CDC14B: variants seen among roughly 807,000 people sequenced by gnomAD.
The protein encoded by CDC14B is dual specificity protein phosphatase CDC14B.
Under a neutral mutation model 64.2 loss-of-function variants are expected in CDC14B, and 22 were observed. That is an observed-to-expected ratio of 0.34 (90% CI 0.24 to 0.49). The LOEUF (loss-of-function observed/expected upper bound fraction) is 0.49, where lower values mean the gene tolerates loss of function less well. CDC14B is among the 20% of genes least tolerant of loss of function. CDC14B has a pLI of 0.99. For synonymous variants in CDC14B, 191 were observed against 215.8 expected (o/e 0.89, Z 1.01); for missense variants, 498 against 629.9 (o/e 0.79, Z 2.24).
chr9:96,525,135 T>C (rs2131581291), intron 9 of CDC14B, among the ~76,000 whole-genome samples: 1 of 152,170 alleles, frequency 6.6e-6, no homozygotes, highest in Non-Finnish European at 1.5e-5. Flanking sequence ...AGGCTATCCA[T>C]ATTGCAAAAA....
At chr9:96,491,163 T>C (rs1833089618) in exon 14 of CDC14B, 1 of 152,276 alleles carries the variant, frequency 6.6e-6, no homozygotes, top group Admixed American at 6.5e-5. Context: ...CTCTCCCCGC[T>C]TTCTCATAGA....
chr9:96,583,908 C>T (rs545396976), intron 1 of CDC14B, among the ~76,000 whole-genome samples: 2 of 151,870 alleles, frequency 1.3e-5, no homozygotes, highest in South Asian at 2.1e-4. Flanking sequence ...TTAGTAGAGA[C>T]GGGGTTTCAG....
chr9:96,568,361 A>T (rs75098847), intron 1 of CDC14B, among the ~76,000 whole-genome samples: 1 of 152,378 alleles, frequency 6.6e-6, no homozygotes, highest in African/African-American at 2.4e-5. Context: ...AAATCAAGAG[A>T]TAAACTGGAA....
At chr9:96,539,287 G>A in intron 6 of CDC14B, 147 bp from the exon 7 acceptor site, 1 of 597,912 alleles carries the variant, frequency 1.7e-6, no homozygotes, top group East Asian at 2.8e-5. Context: ...TTCAAAGGAA[G>A]TGGGCGGCGT....
At chr9:96,611,853 A>T (rs1424375349) in intron 1 of CDC14B, among the ~76,000 whole-genome samples, 3 of 152,212 alleles carry the variant, frequency 2.0e-5, no homozygotes, top group Admixed American at 2.0e-4. Flanking sequence ...AGCATTTTTT[A>T]AATTAACCAC....
intron 9 of CDC14B, among the ~76,000 whole-genome samples, chr9:96,533,042 T>C (rs1395034945): frequency 4.6e-5 from 7 of 152,228 alleles, no homozygotes; most frequent in Middle Eastern, 3.4e-3. Context: ...TCTCAGCTCA[T>C]TGCAACCTCT....
At chr9:96,531,624 A>G (rs923583544) in intron 9 of CDC14B, among the ~76,000 whole-genome samples, 2 of 151,696 alleles carry the variant, frequency 1.3e-5, no homozygotes, top group Admixed American at 6.6e-5. Flanking sequence ...TCTACTCTCT[A>G]TTTTATAAAT....
chr9:96,617,321 T>C (rs1234174394), intron 1 of CDC14B, among the ~76,000 whole-genome samples: 1 of 151,930 alleles, frequency 6.6e-6, no homozygotes, highest in Non-Finnish European at 1.5e-5. Context: ...TTCATCTCCA[T>C]CAAGAAGAAA....
At chr9:96,613,292 C>T (rs949275561) in intron 1 of CDC14B, among the ~76,000 whole-genome samples, 4 of 152,188 alleles carry the variant, frequency 2.6e-5, no homozygotes, top group Non-Finnish European at 5.9e-5. Flanking sequence ...TTTCTTCCAT[C>T]CTAAAAATCC....
chr9:96,568,026 T>A (rs1844216381), intron 1 of CDC14B, among the ~76,000 whole-genome samples: 1 of 152,186 alleles, frequency 6.6e-6, no homozygotes, highest in East Asian at 1.9e-4. Context: ...TGAAAAAAAT[T>A]GAAATCCCAG....
intron 1 of CDC14B, 122 bp downstream of exon 1, chr9:96,619,097 G>T: frequency 1.4e-6 from 1 of 712,106 alleles, no homozygotes; most frequent in Non-Finnish European, 1.9e-6. Context: ...GTTTAAGGGG[G>T]TGGGGGCGAA....
Position 96,567,970 on chromosome 9 carries a change from T to A in CDC14B, c.161-2487A>T, listed in dbSNP as rs1022143053. ...TACTTGTACCCATAAAAACATTAAA[T>A]AAATTAAAATATATTCTAAACCTAT... is the stretch of plus-strand genomic sequence containing the variant. On this transcript the variant is annotated intron_variant, in intron 1 of 13. Coordinates refer to ENST00000375241, the MANE Select transcript of CDC14B (RefSeq NM_033331.4). Among the ~76,000 whole-genome samples, 3 of 152,164 alleles carry A rather than the reference T, an allele frequency of 2.0e-5. No homozygotes were observed. In the East Asian group the frequency reaches 5.8e-4, roughly 29 times the overall value.
intron 9 of CDC14B, among the ~76,000 whole-genome samples, chr9:96,531,859 C>A (rs1416489227): frequency 6.6e-6 from 1 of 151,988 alleles, no homozygotes; most frequent in Non-Finnish European, 1.5e-5. Flanking sequence ...TTTATTTCCT[C>A]TTCTCAAATG....
chr9:96,562,767 T>C lies in CDC14B; in HGVS notation c.346A>G (p.Lys116Glu), dbSNP rs1843388921. 1 of 1,605,030 alleles carries C rather than the reference T, an allele frequency of 6.2e-7. No homozygotes were observed. The highest frequency in any genetic ancestry group is 1.7e-5 in the Admixed American group (1 of 59,928). Residue 116 changes from lysine to glutamate, a missense_variant, in exon 4 of 14, where the codon AAG becomes GAG. Physicochemically the swap from Lys to Glu is moderately conservative, Grantham distance 56. Transcript: ENST00000375241. ...GAGCCAGTAAAATGAACAATTTTCT[T>C]CCTTAACATTGTAATGGACTGCATA... ...KKLKSITMLR[K>E]KIVHFTGSDQ...
chr9:96,559,749 G>A (rs969121468), intron 4 of CDC14B, among the ~76,000 whole-genome samples: 3 of 152,092 alleles, frequency 2.0e-5, no homozygotes, highest in Admixed American at 1.3e-4. Flanking sequence ...CTCCTCACTG[G>A]GTAAGTAATA....
At position 96,539,561 on chromosome 9, in the gene CDC14B, G is replaced by C. The variant is rs373086876; in HGVS notation, c.565-421C>G. Among the ~76,000 whole-genome samples the C allele has an allele frequency of 2.0e-5, 3 of 152,232 alleles. No homozygotes were observed. The South Asian group carries it at 6.2e-4, about 32-fold the overall frequency. ...CTCTACATCGATAAGAAAGAGGAGA[G>C]AATCCATGTGCTAGTTTATCCCAAA... On this transcript the variant is annotated intron_variant, in intron 6 of 13. Coordinates refer to ENST00000375241, the MANE Select transcript of CDC14B (RefSeq NM_033331.4).
rs1471841062 is a variant in CDC14B at position 96,619,622 on chromosome 9, G to T, written c.-244C>A. 6.8e-6 allele frequency: 1 copy of T among 147,138 alleles called. No homozygotes were observed. Among genetic ancestry groups the T allele is most frequent in the African/African-American group, 2.4e-5 (1 of 40,910 alleles). 9.1% of individuals were successfully genotyped at this position (147,138 alleles called of 1,614,324 possible). On this transcript the variant is annotated 5_prime_UTR_variant, in exon 1 of 14. Coordinates refer to ENST00000375241, the MANE Select transcript of CDC14B (RefSeq NM_033331.4). ...CCGCAGGACCGGCGCCGCAGCCCTC[G>T]CTACAGCGCCTCCTGCCGCGGCCGG... is the stretch of plus-strand genomic sequence containing the variant.
intron 6 of CDC14B, among the ~76,000 whole-genome samples, chr9:96,540,586 T>C (rs1399232220): frequency 6.6e-6 from 1 of 152,038 alleles, no homozygotes; most frequent in African/African-American, 2.4e-5. Context: ...TAATTGACTT[T>C]GGGTGCAATA....
intron 3 of CDC14B, 68 bp from the exon 4 acceptor site, chr9:96,562,853 GAT>G: frequency 9.6e-7 from 1 of 1,038,256 alleles, no homozygotes; most frequent in Non-Finnish European, 1.5e-6. Flanking sequence ...TTCATTTTGT[GAT>G]GAAGATCAAT....
Sources: gnomAD v4.1 joint callset for allele counts (sites outside exome capture counted in the v4.1 genomes callset) on GRCh38, gnomAD v4.1.1 for gene constraint, MANE v1.5 for transcripts, NCBI Gene and HGNC (gene_info 2026-07-23, HGNC 2026-07-21) for gene names.